Variants in ADGRL2 observed in about 807,000 individuals in gnomAD.
The protein encoded by ADGRL2 is calcium-independent alpha-latrotoxin receptor 2.
A neutral mutation model predicts 157.4 loss-of-function variants in ADGRL2; 44 were observed. The ratio of observed to expected loss-of-function variants is 0.28; its 90% CI spans 0.22 to 0.36. The LOEUF (loss-of-function observed/expected upper bound fraction) is 0.36. Ranked by LOEUF, ADGRL2 falls within the 10% of genes least tolerant of loss-of-function variation. The pLI, the probability that ADGRL2 is intolerant of heterozygous loss-of-function variation, is 1.00. For synonymous variants in ADGRL2, 585 were observed against 624.7 expected (o/e 0.94, Z 0.95); for missense variants, 1,510 against 1,768.9 (o/e 0.85, Z 2.63).
At chr1:81,316,198 T>G (rs1660099529) in intron 1 of ADGRL2, among the ~76,000 whole-genome samples, 3 of 152,134 alleles carry the variant, frequency 2.0e-5, no homozygotes, top group African/African-American at 7.2e-5. Context: ...ACATTGTTTA[T>G]TTTTCAAAGA....
intron 2 of ADGRL2, among the ~76,000 whole-genome samples, chr1:81,870,966 A>T (rs543657765): frequency 2.6e-4 from 38 of 146,894 alleles, no homozygotes; most frequent in African/African-American, 9.6e-4. Flanking sequence ...TTTAAGTTCT[A>T]GGGTACATGT....
At chr1:81,561,450 TG>T (rs2080439188) in intron 2 of ADGRL2, among the ~76,000 whole-genome samples, 1 of 150,710 alleles carries the variant, frequency 6.6e-6, no homozygotes, top group East Asian at 1.9e-4. Flanking sequence ...TGTTTTTTTT[TG>T]TTGTTGTTGT....
At chr1:81,634,492 A>G (rs1181730034) in intron 3 of ADGRL2, among the ~76,000 whole-genome samples, 1 of 148,252 alleles carries the variant, frequency 6.7e-6, no homozygotes, top group Non-Finnish European at 1.5e-5. Context: ...CAATTATGTT[A>G]GCTTTAAGTT....
chr1:81,353,360 T>C (rs760632020), intron 1 of ADGRL2, among the ~76,000 whole-genome samples: 7 of 152,156 alleles, frequency 4.6e-5, no homozygotes, highest in Non-Finnish European at 1.0e-4. Flanking sequence ...ATTTGCTTGT[T>C]ATCTGAATTA....
At chr1:81,492,146 C>T (rs1380934811) in intron 2 of ADGRL2, among the ~76,000 whole-genome samples, 2 of 152,124 alleles carry the variant, frequency 1.3e-5, no homozygotes, top group Non-Finnish European at 2.9e-5. Context: ...ATAAAGACTG[C>T]CCATCTCCAG....
At chr1:81,530,042 T>C (rs1310541532) in intron 2 of ADGRL2, among the ~76,000 whole-genome samples, 2 of 152,172 alleles carry the variant, frequency 1.3e-5, no homozygotes, top group Non-Finnish European at 2.9e-5. Flanking sequence ...AGATGATGGC[T>C]ACAGGGTTGA....
chr1:81,413,428 G>T (rs142918736), intron 1 of ADGRL2, among the ~76,000 whole-genome samples: 7 of 151,932 alleles, frequency 4.6e-5, no homozygotes, highest in African/African-American at 1.4e-4. Context: ...CCAAAGTATC[G>T]TAAGAAAACA....
At chr1:81,843,530 C>T (rs1441042611) in intron 2 of ADGRL2, among the ~76,000 whole-genome samples, 1 of 152,124 alleles carries the variant, frequency 6.6e-6, no homozygotes, top group African/African-American at 2.4e-5. Context: ...AATTTGATTG[C>T]AGCAGCTTTC....
chr1:81,925,823 A>G (rs960836259), intron 3 of ADGRL2, among the ~76,000 whole-genome samples: 3 of 152,174 alleles, frequency 2.0e-5, no homozygotes, highest in Middle Eastern at 3.4e-3. Context: ...CGTTTGTTGT[A>G]TATTCAGAGA....
intron 17 of ADGRL2, among the ~76,000 whole-genome samples, chr1:81,975,174 A>G (rs561684101): frequency 6.6e-6 from 1 of 152,206 alleles, no homozygotes; most frequent in South Asian, 2.1e-4. Context: ...TAGCATGGAC[A>G]TTTAGCCTGG....
At chr1:81,789,654 A>G (rs1024759640) in intron 2 of ADGRL2, among the ~76,000 whole-genome samples, 2 of 150,046 alleles carry the variant, frequency 1.3e-5, no homozygotes, top group African/African-American at 4.9e-5. Context: ...TGAACCTGAA[A>G]GGTGGAGGTT....
In ADGRL2 at chr1:81,682,934, C is replaced by T. The variant is rs139119537; in HGVS notation, c.-142-78877C>T. ...ATCACCTGAGGTCAGGTGCTCGAGA[C>T]CAGCCTGGCCAAAATGGTGAAACCC... On this transcript the variant is annotated intron_variant, in intron 3 of 24. Coordinates refer to the ADGRL2 transcript ENST00000370721. Among the ~76,000 whole-genome samples the T allele has an allele frequency of 3.3e-3, 501 of 152,272 alleles. 5 individuals are homozygous for T. The highest frequency in any genetic ancestry group is 0.023 in the Admixed American group (351 of 15,294).
chr1:81,713,979 G>A (rs1212502180), intron 1 of ADGRL2, among the ~76,000 whole-genome samples: 2 of 152,210 alleles, frequency 1.3e-5, no homozygotes, highest in African/African-American at 4.8e-5. Flanking sequence ...GGCAGAAGGT[G>A]AAGGAGGAGA....
At chr1:81,913,230 C>T (rs2094774314) in intron 3 of ADGRL2, among the ~76,000 whole-genome samples, 1 of 152,124 alleles carries the variant, frequency 6.6e-6, no homozygotes, top group Non-Finnish European at 1.5e-5. Context: ...ATAATAATTA[C>T]ACTTTATTTT....
chr1:81,332,042 A>C (rs1464515651), intron 1 of ADGRL2, among the ~76,000 whole-genome samples: 1 of 152,046 alleles, frequency 6.6e-6, no homozygotes, highest in East Asian at 1.9e-4. Context: ...CATGGGCCCA[A>C]GTTGTATTTT....
At chr1:81,426,982 C>A (rs773734985) in intron 1 of ADGRL2, 3 of 851,208 alleles carry the variant, frequency 3.5e-6, no homozygotes, top group African/African-American at 3.3e-5. Context: ...TTGATGATCA[C>A]GATACAGTTG....
At position 81,842,609 on chromosome 1, in the gene ADGRL2, G is replaced by A. The variant is rs556536797; in HGVS notation, c.73+5552G>A. Among the ~76,000 whole-genome samples the A allele has an allele frequency of 9.9e-5, 15 of 151,746 alleles. No homozygotes were observed. In the South Asian group the frequency reaches 1.9e-3, roughly 19 times the overall value. ...TTGACCTTGTGATCCACCCACCTTG[G>A]CCTCCCAAAGGACTGGGATTATATG... is the stretch of plus-strand genomic sequence containing the variant. On this transcript the variant is annotated intron_variant, in intron 2 of 23. Coordinates refer to ENST00000686636, the MANE Select transcript of ADGRL2 (RefSeq NM_001366006.2).
intron 2 of ADGRL2, among the ~76,000 whole-genome samples, chr1:81,480,959 A>G (rs901535738): frequency 6.6e-6 from 1 of 152,220 alleles, no homozygotes; most frequent in Non-Finnish European, 1.5e-5. Flanking sequence ...GGGTTAGATC[A>G]TAAGTATATT....
chr1:81,955,663 T>C, intron 10 of ADGRL2: 6 of 393,314 alleles, frequency 1.5e-5, no homozygotes, highest in Non-Finnish European at 1.8e-5. Flanking sequence ...TGTAATCAAA[T>C]AGCAGTCTGT....
Sources: gnomAD v4.1 joint callset for allele counts (sites outside exome capture counted in the v4.1 genomes callset) on GRCh38, gnomAD v4.1.1 for gene constraint, MANE v1.5 for transcripts, NCBI Gene and HGNC (gene_info 2026-07-23, HGNC 2026-07-21) for gene names.